NPAS2: variants seen among roughly 807,000 people sequenced by gnomAD.
The protein encoded by NPAS2 is neuronal PAS domain-containing protein 2.
A neutral mutation model predicts 107.5 loss-of-function variants in NPAS2; 23 were observed. The observed-to-expected ratio is 0.21, with a 90% CI of 0.15 to 0.30. The LOEUF (loss-of-function observed/expected upper bound fraction) is 0.30, where lower values mean the gene tolerates loss of function less well. NPAS2 is among the 10% of genes least tolerant of loss of function. NPAS2 has a pLI of 1.00. For synonymous variants in NPAS2, 403 were observed against 417.5 expected (o/e 0.97, Z 0.42); for missense variants, 756 against 1,043.3 (o/e 0.72, Z 3.79).
At chr2:100,890,278 C>T (rs79361495) in intron 1 of NPAS2, among the ~76,000 whole-genome samples, 3 of 152,172 alleles carry the variant, frequency 2.0e-5, no homozygotes, top group African/African-American at 7.2e-5. Flanking sequence ...AGAGGTAGTG[C>T]GAGCTCTCAG....
At chr2:100,940,268 A>G (rs1319607959) in intron 5 of NPAS2, among the ~76,000 whole-genome samples, 1 of 152,202 alleles carries the variant, frequency 6.6e-6, no homozygotes, top group African/African-American at 2.4e-5. Context: ...GGGGTAGCTG[A>G]CTGCAGAACC....
intron 5 of NPAS2, among the ~76,000 whole-genome samples, chr2:100,947,794 G>A (rs534455536): frequency 2.0e-5 from 3 of 152,198 alleles, no homozygotes; most frequent in African/African-American, 4.8e-5. Context: ...AGACCTTTAC[G>A]AAGTAGACTG....
chr2:100,831,585 T>C (rs1160889300), intron 1 of NPAS2, among the ~76,000 whole-genome samples: 2 of 152,132 alleles, frequency 1.3e-5, no homozygotes, highest in Non-Finnish European at 2.9e-5. Flanking sequence ...ATGGAAGTTT[T>C]TGTGTGACCT....
intron 7 of NPAS2, among the ~76,000 whole-genome samples, chr2:100,954,664 C>CAAAAA (rs1194534141): frequency 8.6e-5 from 7 of 81,340 alleles, no homozygotes; most frequent in East Asian, 7.8e-4. Flanking sequence ...AACTGTGTCT[C>CAAAAA]AAAAAAAAAA....
At chr2:100,853,171 G>A (rs946102140) in intron 1 of NPAS2, among the ~76,000 whole-genome samples, 1 of 152,210 alleles carries the variant, frequency 6.6e-6, no homozygotes, top group African/African-American at 2.4e-5. Context: ...GGTCAAGGGA[G>A]TGTATCGATC....
chr2:100,967,882 G>A (rs1676321688), intron 10 of NPAS2, among the ~76,000 whole-genome samples: 1 of 152,202 alleles, frequency 6.6e-6, no homozygotes, highest in Non-Finnish European at 1.5e-5. Flanking sequence ...GTTGCTGGCT[G>A]GCAGGTCTGT....
intron 7 of NPAS2, 94 bp from the exon 8 acceptor site, chr2:100,963,964 G>A (rs1676065067): frequency 4.1e-6 from 3 of 734,574 alleles, no homozygotes; most frequent in Admixed American, 4.1e-5. Context: ...AACCCTGGGG[G>A]CAGCGCTTGG....
At chr2:100,951,890 CT>C (rs1675243690) in intron 7 of NPAS2, among the ~76,000 whole-genome samples, 1 of 152,164 alleles carries the variant, frequency 6.6e-6, no homozygotes, top group Non-Finnish European at 1.5e-5. Flanking sequence ...TGGCTCACAC[CT>C]GTAATCCCAG....
At chr2:100,975,413 G>T in intron 13 of NPAS2, 45 bp from the exon 14 acceptor site, 1 of 1,548,256 alleles carries the variant, frequency 6.5e-7, no homozygotes, top group Non-Finnish European at 8.9e-7. Flanking sequence ...ATGAGTACAT[G>T]CTAAGTACAT....
intron 10 of NPAS2, among the ~76,000 whole-genome samples, chr2:100,967,237 CTTTTTTTTTTTTTTT>C (rs58558247): frequency 3.0e-5 from 3 of 100,548 alleles, no homozygotes; most frequent in African/African-American, 8.0e-5. Context: ...AGTCAGTGTC[CTTTTTTTTTTTTTTT>C]TTTTTTTTTT....
At chr2:100,936,257 C>T (rs1184323533) in intron 4 of NPAS2, among the ~76,000 whole-genome samples, 1 of 152,232 alleles carries the variant, frequency 6.6e-6, no homozygotes, top group Non-Finnish European at 1.5e-5. Context: ...CCATGCACTT[C>T]AGCCACACCC....
chr2:100,996,546 T>C lies in NPAS2; in HGVS notation c.*964T>C, dbSNP rs1305957832. ...CATATCTTCATGAGAATACTGAGAATTGGATTTTCCTTTTCAAAATGCACT... is the reference window on the plus strand; with the variant it reads ...CATATCTTCATGAGAATACTGAGAACTGGATTTTCCTTTTCAAAATGCACT... On this transcript the variant is annotated 3_prime_UTR_variant, in exon 21 of 21. Transcript: ENST00000335681. The C allele has an allele frequency of 6.6e-6, 1 of 152,662 alleles. No homozygotes were observed. The highest frequency in any genetic ancestry group is 6.5e-5 in the Admixed American group (1 of 15,280). 9.5% of individuals were successfully genotyped at this position (152,662 alleles called of 1,614,324 possible). A position where few individuals can be genotyped will look rare whatever the true frequency, so the allele number is the denominator to read the frequency against.
In NPAS2 at chr2:100,968,547, G is replaced by A. The variant is rs566877020; in HGVS notation, c.1055+119G>A. The A allele has an allele frequency of 2.6e-5, 25 of 965,490 alleles. No homozygotes were observed. The African/African-American group carries it at 3.9e-4, about 15-fold the overall frequency. 59.8% of individuals were successfully genotyped at this position (965,490 alleles called of 1,614,324 possible). ...CAGTCACTCAGGTGTTCCCCATTTC[G>A]AAGATGAAGCCCAGGCCATCCCCTG... On this transcript the variant is annotated intron_variant, in intron 11 of 20. Coordinates refer to ENST00000335681, the MANE Select transcript of NPAS2 (RefSeq NM_002518.4). The surrounding 1 kb of genome is among the most constrained non-coding windows in gnomAD (Gnocchi z 5.3).
At chr2:100,837,802 T>C (rs1403309375) in intron 1 of NPAS2, among the ~76,000 whole-genome samples, 1 of 152,086 alleles carries the variant, frequency 6.6e-6, no homozygotes, top group African/African-American at 2.4e-5. Flanking sequence ...GAGGAGGAGA[T>C]ATGGAAGAGA....
At chr2:100,904,343 C>T (rs995424066) in intron 1 of NPAS2, among the ~76,000 whole-genome samples, 37 of 152,262 alleles carry the variant, frequency 2.4e-4, no homozygotes, top group Non-Finnish European at 2.5e-4. Flanking sequence ...GTCTGAAGAC[C>T]CTTGGGGTCC....
chr2:100,978,907 G>A lies in NPAS2; in HGVS notation c.1482+1108G>A, dbSNP rs79974818. ...CTTCAGCAGGGAGTTCTGAACACGG[G>A]GAGTGACAAACCCTGCCCAGGCCTG... On this transcript the variant is annotated intron_variant, in intron 15 of 20. Coordinates refer to ENST00000335681, the MANE Select transcript of NPAS2 (RefSeq NM_002518.4). Among the ~76,000 whole-genome samples the A allele has an allele frequency of 3.9e-5, 6 of 152,262 alleles. No individual in the cohort carries two copies. The East Asian group carries it at 1.2e-3, about 29-fold the overall frequency.
chr2:100,932,769 CAT>C (rs1684043244), intron 3 of NPAS2, 139 bp from the exon 4 acceptor site: 1 of 633,064 alleles, frequency 1.6e-6, no homozygotes, highest in Non-Finnish European at 2.8e-6. Flanking sequence ...ATCAGGGTAA[CAT>C]ATTTCCTTCT....
rs143935540 is a variant in NPAS2, at chr2:100,993,440, G to T, written c.2205G>T (p.Ala735=). The change falls in exon 20 of 21, where the codon GCG becomes GCT. Residue 735 remains alanine (A), a synonymous_variant. Transcript: ENST00000335681. ...TGCCCGTCCTGCTGATGGGGCAGGCGGTGCTCCACCCCAGCTTCCCTGCCT... is the reference window on the plus strand; with the variant it reads ...TGCCCGTCCTGCTGATGGGGCAGGCTGTGCTCCACCCCAGCTTCCCTGCCT... ...APMPVLLMGQ[A]VLHPSFPASQ... 1.2e-6 allele frequency: 2 copies of T among 1,613,308 alleles called. No individual in the cohort carries two copies. The highest frequency in any genetic ancestry group is 2.2e-5 in the South Asian group (2 of 91,036).
chr2:100,901,261 A>G (rs979887511), intron 1 of NPAS2, among the ~76,000 whole-genome samples: 2 of 152,138 alleles, frequency 1.3e-5, no homozygotes, highest in Non-Finnish European at 2.9e-5. Flanking sequence ...ACAGGCTATA[A>G]TCAATACGGT....
Sources: allele counts gnomAD v4.1 joint callset (sites outside exome capture counted in the v4.1 genomes callset), GRCh38; gene constraint gnomAD v4.1.1; non-coding constraint Gnocchi (gnomAD v3.1); transcripts MANE v1.5; gene names NCBI Gene and HGNC (gene_info 2026-07-23, HGNC 2026-07-21).